Variants in GEN1 observed in about 807,000 individuals in gnomAD.
GEN1 encodes GEN1 structure-specific endonuclease.
GEN1 carries 64 observed loss-of-function variants against 67.6 expected under a neutral mutation model. The observed-to-expected ratio is 0.95, with a 90% confidence interval of 0.77 to 1.17. GEN1 has a LOEUF of 1.17. Among genes scored for constraint, GEN1 ranks in the 50% most tolerant of loss-of-function variants. The probability of loss-of-function intolerance (pLI) is 0.00; values close to 1 mark genes in which losing one functional copy is unlikely to be tolerated. For missense variants in GEN1, 1,058 were observed against 1,048.3 expected, an observed-to-expected ratio of 1.01 and a Z score of -0.13; for synonymous variants, 371 against 359.4, an observed-to-expected ratio of 1.03 and a Z score of -0.37.
intron 3 of GEN1, among the ~76,000 whole-genome samples, chr2:17,762,955 A>G (rs904272421): frequency 1.3e-5 from 2 of 152,238 alleles, no homozygotes; most frequent in Non-Finnish European, 2.9e-5. Flanking sequence ...TGCAACAACA[A>G]AGATATTTAA....
At chr2:17,756,951 A>G (rs912103246) in intron 1 of GEN1, among the ~76,000 whole-genome samples, 1 of 152,222 alleles carries the variant, frequency 6.6e-6, no homozygotes, top group Non-Finnish European at 1.5e-5. Flanking sequence ...TGCAAAGAAC[A>G]TGTGATAAGG....
At position 17,773,093 on chromosome 2, in the gene GEN1, C is replaced by G; in HGVS notation, c.954-3C>G. 1 of 1,561,906 alleles carries G rather than the reference C, an allele frequency of 6.4e-7. No homozygotes were observed. The highest frequency in any genetic ancestry group is 1.1e-5 in the South Asian group (1 of 88,682). On this transcript the variant is annotated splice_polypyrimidine_tract_variant and splice_region_variant and intron_variant, in intron 8 of 13. Coordinates refer to ENST00000381254, the MANE Select transcript of GEN1 (RefSeq NM_001130009.3). ...AATAACATGTATATAATTTTTTTTT[C>G]AGGAAAGCTTGCTGTTGTGAGGGAT...
rs1671680817 is a variant in GEN1 at position 17,761,601 on chromosome 2, T to G, written c.348+19T>G. 7 of 1,546,232 alleles carry G rather than the reference T, an allele frequency of 4.5e-6. No individual in the cohort carries two copies. The highest frequency in any genetic ancestry group is 6.1e-6 in the Non-Finnish European group (7 of 1,139,650). ...AAGAGAGGTGAGCATTCAGATTTGA[T>G]TCAGTAATTCCGATTTGAATTAAAG... is the stretch of plus-strand genomic sequence containing the variant. On this transcript the variant is annotated intron_variant, in intron 3 of 13. Transcript: ENST00000381254.
At position 17,772,767 on chromosome 2, in the gene GEN1, A is replaced by G. The variant is rs770385553; in HGVS notation, c.936A>G (p.Val312=). The change falls in exon 8 of 14, where the codon GTA becomes GTG. Residue 312 remains valine (V), a synonymous_variant. Coordinates refer to ENST00000381254, the MANE Select transcript of GEN1 (RefSeq NM_001130009.3). The part of the protein sequence containing the change: ...RTEHDRQLSE[V]ENNIKKKACC... ...AACATGATAGGCAACTCAGTGAAGT[A>G]GAGAACAATATTAAGAAGTAAGTTT... 1 of 1,609,708 alleles carries G rather than the reference A, an allele frequency of 6.2e-7. No homozygotes were observed. The highest frequency in any genetic ancestry group is 8.5e-7 in the Non-Finnish European group (1 of 1,177,746).
At chr2:17,763,712 A>AC (rs377371625) in intron 3 of GEN1, among the ~76,000 whole-genome samples, 4 of 152,338 alleles carry the variant, frequency 2.6e-5, no homozygotes, top group Non-Finnish European at 4.4e-5. Context: ...AGTTGAAATA[A>AC]CTGTATTATG....
At chr2:17,764,528 A>T (rs1167245038) in intron 3 of GEN1, among the ~76,000 whole-genome samples, 1 of 152,242 alleles carries the variant, frequency 6.6e-6, no homozygotes, top group Non-Finnish European at 1.5e-5. Flanking sequence ...CACTAATCTT[A>T]AACCATTATC....
At chr2:17,771,339 C>T (rs1369279267) in intron 7 of GEN1, 52 bp downstream of exon 7, 1 of 1,055,414 alleles carries the variant, frequency 9.5e-7, no homozygotes, top group Non-Finnish European at 1.5e-6. Context: ...TGTTTTAATT[C>T]TTGTTCACAT....
chr2:17,777,745 A>G (rs1469859400), intron 11 of GEN1, among the ~76,000 whole-genome samples: 1 of 152,182 alleles, frequency 6.6e-6, no homozygotes, highest in South Asian at 2.1e-4. Flanking sequence ...AAATTTTAAA[A>G]CAAAAATCAT....
chr2:17,775,905 G>A (rs13389622), intron 11 of GEN1, among the ~76,000 whole-genome samples: 5,574 of 152,100 alleles, frequency 0.037, 302 homozygotes, highest in African/African-American at 0.11. Flanking sequence ...TTGGGAGACT[G>A]AGGCCGGTGG....
At chr2:17,772,176 G>A (rs1209771159) in intron 7 of GEN1, among the ~76,000 whole-genome samples, 1 of 151,978 alleles carries the variant, frequency 6.6e-6, no homozygotes, top group African/African-American at 2.4e-5. Flanking sequence ...CTGTAACTGA[G>A]AGCTAGACAC....
At chr2:17,780,486 A>G (rs547522391) in intron 13 of GEN1, 135 bp from the exon 14 acceptor site, 4 of 601,022 alleles carry the variant, frequency 6.7e-6, no homozygotes, top group East Asian at 5.8e-5. Context: ...TTTATAATCT[A>G]GCAATGCACT....
At chr2:17,766,297 AACTGGGACT>A (rs1378348494) in intron 4 of GEN1, among the ~76,000 whole-genome samples, 2 of 152,078 alleles carry the variant, frequency 1.3e-5, no homozygotes, top group Non-Finnish European at 2.9e-5. Context: ...CCTCCCAAGT[AACTGGGACT>A]ACAGGCACAT....
intron 5 of GEN1, among the ~76,000 whole-genome samples, chr2:17,767,547 G>A (rs1236071176): frequency 6.6e-6 from 1 of 151,980 alleles, no homozygotes; most frequent in African/African-American, 2.4e-5. Context: ...GAAAGCAGGA[G>A]GAAAGAAACT....
At position 17,780,500 on chromosome 2, in the gene GEN1, A is replaced by G. The variant is rs570404720; in HGVS notation, c.1409-121A>G. 2.6e-5 allele frequency: 17 copies of G among 650,808 alleles called. No individual in the cohort carries two copies. The East Asian group carries it at 3.1e-4, about 12-fold the overall frequency. The allele number at this position is 650,808 out of a possible 1,614,324, so 40.3% of individuals were successfully genotyped here. ...TTTTATAATCTAGCAATGCACTGAG[A>G]TCAAAAAAAGGCAGAAACTATTCAT... On this transcript the variant is annotated intron_variant, in intron 13 of 13. Coordinates refer to ENST00000381254, the MANE Select transcript of GEN1 (RefSeq NM_001130009.3).
In GEN1 at chr2:17,765,054, A is replaced by C; in HGVS notation, c.506A>C (p.Asn169Thr). 1.2e-6 allele frequency: 2 copies of C among 1,614,076 alleles called. No homozygotes were observed. Among genetic ancestry groups the C allele is most frequent in the South Asian group, 1.1e-5 (1 of 91,060 alleles). Residue 169 changes from asparagine (N) to threonine (T), a missense_variant, in exon 4 of 14, where the codon AAT (asparagine) becomes ACT (threonine). Asn to Thr is a moderately conservative substitution (Grantham distance 65, BLOSUM62 0). Transcript: ENST00000381254. ...FLYGAQTVYR[N>T]FTMNTKDPHV... ...TATGGGGCCCAGACTGTTTACAGGA[A>C]TTTCACTATGAATACAAAGGTGTTT...
At chr2:17,773,672 C>T (rs1232756856) in intron 10 of GEN1, among the ~76,000 whole-genome samples, 3 of 151,950 alleles carry the variant, frequency 2.0e-5, no homozygotes, top group East Asian at 1.9e-4. Context: ...AAATTTGGAC[C>T]GTATTCCACC....
rs300167 is a variant in GEN1, at chr2:17,779,783, A to G, written c.1265-195A>G. On this transcript the variant is annotated intron_variant, in intron 12 of 13. Transcript: ENST00000381254. ...TGCCCGGCTAATTTTTGTATTTTTT[A>G]TAGAGACATGGTTTCACCATGTTGA... Among the ~76,000 whole-genome samples, 105,728 of 151,870 alleles carry G rather than the reference A, an allele frequency of 0.7. 37,492 individuals are homozygous for G. The highest frequency in any genetic ancestry group is 0.99 in the East Asian group (5,100 of 5,176).
At chr2:17,773,512 C>G (rs773918703) in intron 10 of GEN1, among the ~76,000 whole-genome samples, 17 of 151,820 alleles carry the variant, frequency 1.1e-4, no homozygotes, top group Admixed American at 2.0e-4. Flanking sequence ...TTAGAAGATG[C>G]CTTAATTAGC....
At chr2:17,754,801 C>G (rs79245990) in intron 1 of GEN1, 1 of 152,212 alleles carries the variant, frequency 6.6e-6, no homozygotes, top group Non-Finnish European at 1.5e-5. Context: ...ATCAGTCTTT[C>G]CCCCACGGTA....
Sources: gnomAD v4.1 joint callset for allele counts (sites outside exome capture counted in the v4.1 genomes callset) on GRCh38, gnomAD v4.1.1 for gene constraint, MANE v1.5 for transcripts, NCBI Gene and HGNC (gene_info 2026-07-23, HGNC 2026-07-21) for gene names.